Variants in PTPRD observed in about 807,000 individuals in gnomAD.
The protein encoded by PTPRD is protein tyrosine phosphatase receptor type D.
A neutral mutation model predicts 214.5 loss-of-function variants in PTPRD; 34 were observed. The observed-to-expected ratio is 0.16, with a 90% CI of 0.12 to 0.21. The LOEUF (loss-of-function observed/expected upper bound fraction) is 0.21. Among genes scored for constraint, PTPRD ranks in the 10% least tolerant of loss-of-function variants. The probability of loss-of-function intolerance (pLI) is 1.00; values close to 1 mark genes in which losing one functional copy is unlikely to be tolerated. For missense variants in PTPRD, 2,545 were observed against 2,398.7 expected (o/e 1.06, Z -1.27); for synonymous variants, 1,128 against 845.7 (o/e 1.33, Z -5.79).
chr9:10,451,315 GAATT>G (rs2098840249), intron 2 of PTPRD, among the ~76,000 whole-genome samples: 1 of 151,782 alleles, frequency 6.6e-6, no homozygotes, highest in African/African-American at 2.4e-5. Context: ...TTTCACTAGA[GAATT>G]AATTTCTGAA....
intron 3 of PTPRD, among the ~76,000 whole-genome samples, chr9:10,281,014 T>C (rs1423707474): frequency 6.6e-6 from 1 of 152,198 alleles, no homozygotes; most frequent in African/African-American, 2.4e-5. Flanking sequence ...ATTCTATATG[T>C]AAACCAGCAC....
chr9:8,648,467 A>T (rs1054468602), intron 12 of PTPRD, among the ~76,000 whole-genome samples: 1 of 152,332 alleles, frequency 6.6e-6, no homozygotes. Flanking sequence ...AAATCTGTGA[A>T]GTCATTCTTA....
At chr9:10,131,214 T>C (rs1029795610) in intron 3 of PTPRD, among the ~76,000 whole-genome samples, 4 of 152,152 alleles carry the variant, frequency 2.6e-5, no homozygotes, top group Non-Finnish European at 5.9e-5. Flanking sequence ...TGTTACTGTC[T>C]AACAGCAATT....
chr9:10,261,045 A>G (rs2093664022), intron 3 of PTPRD, among the ~76,000 whole-genome samples: 1 of 139,684 alleles, frequency 7.2e-6, no homozygotes. Context: ...ATGTGTATAT[A>G]TATTATATAT....
chr9:10,002,373 G>A (rs907828141), intron 4 of PTPRD, among the ~76,000 whole-genome samples: 23 of 147,270 alleles, frequency 1.6e-4, no homozygotes, highest in Non-Finnish European at 3.0e-4. Flanking sequence ...CAATTTAAAT[G>A]CTGAGGTTGG....
At chr9:9,548,106 C>T (rs1447394753) in intron 8 of PTPRD, among the ~76,000 whole-genome samples, 1 of 151,812 alleles carries the variant, frequency 6.6e-6, no homozygotes, top group African/African-American at 2.4e-5. Flanking sequence ...TACAATTTGT[C>T]ATCAGCAGAT....
At chr9:10,068,957 A>G (rs1319147583) in intron 3 of PTPRD, among the ~76,000 whole-genome samples, 1 of 152,168 alleles carries the variant, frequency 6.6e-6, no homozygotes, top group East Asian at 1.9e-4. Flanking sequence ...TTTCAGGTTC[A>G]GTTTATTCCC....
intron 10 of PTPRD, among the ~76,000 whole-genome samples, chr9:9,064,630 A>G (rs2099721638): frequency 1.3e-5 from 2 of 152,352 alleles, no homozygotes; most frequent in South Asian, 4.1e-4. Flanking sequence ...ATACATTTCC[A>G]TCGCTTTCTT....
At chr9:9,812,908 T>G (rs1364082039) in intron 5 of PTPRD, among the ~76,000 whole-genome samples, 1 of 152,120 alleles carries the variant, frequency 6.6e-6, no homozygotes, top group African/African-American at 2.4e-5. Context: ...TTAAGAGGAC[T>G]GAAATTATAT....
chr9:10,417,338 T>G (rs764036026), intron 2 of PTPRD, among the ~76,000 whole-genome samples: 6 of 151,928 alleles, frequency 3.9e-5, no homozygotes, highest in African/African-American at 1.4e-4. Flanking sequence ...GAATGCCTTG[T>G]AAACTTTGTT....
chr9:9,782,932 T>C (rs1488869734), intron 5 of PTPRD, among the ~76,000 whole-genome samples: 2 of 152,182 alleles, frequency 1.3e-5, no homozygotes, highest in East Asian at 1.9e-4. Flanking sequence ...GACTGACTTA[T>C]TTTGTATTTT....
At chr9:10,518,179 G>C (rs1402026169) in intron 2 of PTPRD, among the ~76,000 whole-genome samples, 6 of 152,000 alleles carry the variant, frequency 3.9e-5, no homozygotes, top group Non-Finnish European at 8.8e-5. Context: ...ATTCAAATTT[G>C]ATATTAATAG....
intron 7 of PTPRD, among the ~76,000 whole-genome samples, chr9:9,663,079 GA>G (rs1171245915): frequency 4.6e-5 from 7 of 151,358 alleles, no homozygotes; most frequent in African/African-American, 7.3e-5. Context: ...CATTTGATGT[GA>G]AAAAATCACA....
intron 11 of PTPRD, among the ~76,000 whole-genome samples, chr9:8,999,131 T>C (rs549783424): frequency 1.3e-5 from 2 of 152,160 alleles, no homozygotes; most frequent in East Asian, 3.9e-4. Context: ...CACAAGTTAG[T>C]TGGTAAAGCA....
intron 2 of PTPRD, among the ~76,000 whole-genome samples, chr9:10,440,753 G>A (rs975884524): frequency 1.3e-5 from 2 of 151,642 alleles, no homozygotes. Context: ...TTAGGTGTGG[G>A]CAGTTTCTCA....
At position 9,859,794 on chromosome 9, in the gene PTPRD, T is replaced by G. The variant is rs546152158; in HGVS notation, c.-368+78713A>C. 5.3e-5 allele frequency among the ~76,000 whole-genome samples: 8 copies of G among 152,278 alleles called. No individual in the cohort carries two copies. The East Asian group carries it at 1.5e-3, about 29-fold the overall frequency. On this transcript the variant is annotated intron_variant, in intron 5 of 45. Transcript: ENST00000381196. Reference sequence around the variant, plus strand: ...ATACGGTATCCTTACCAAAGTAATTTGTTTTGGGGGAAGCCAGCTGACTTT... The same window carrying G: ...ATACGGTATCCTTACCAAAGTAATTGGTTTTGGGGGAAGCCAGCTGACTTT...
At chr9:8,724,610 G>T (rs1479855183) in intron 12 of PTPRD, among the ~76,000 whole-genome samples, 1 of 152,082 alleles carries the variant, frequency 6.6e-6, no homozygotes, top group Non-Finnish European at 1.5e-5. Context: ...TTTGAACAAG[G>T]TTTATGGAGC....
intron 2 of PTPRD, among the ~76,000 whole-genome samples, chr9:10,437,551 C>T (rs1263160208): frequency 6.6e-6 from 1 of 151,728 alleles, no homozygotes; most frequent in Non-Finnish European, 1.5e-5. Flanking sequence ...CTTGATTACT[C>T]TTCAAACTTT....
At chr9:10,261,851 G>C (rs942170152) in intron 3 of PTPRD, among the ~76,000 whole-genome samples, 2 of 152,100 alleles carry the variant, frequency 1.3e-5, no homozygotes, top group African/African-American at 2.4e-5. Flanking sequence ...AAGTAGATGG[G>C]AAGCCTTAAG....
Sources: allele counts gnomAD v4.1 joint callset (sites outside exome capture counted in the v4.1 genomes callset), GRCh38; gene constraint gnomAD v4.1.1; transcripts MANE v1.5; gene names NCBI Gene and HGNC (gene_info 2026-07-23, HGNC 2026-07-21).